Variants in TINAG observed in about 807,000 individuals in gnomAD.
TINAG encodes tubulointerstitial nephritis antigen.
Under a neutral mutation model 72.7 loss-of-function variants are expected in TINAG, and 83 were observed. That is an observed-to-expected ratio of 1.14 (90% CI 0.96 to 1.37). TINAG has a LOEUF of 1.37. Among genes scored for constraint, TINAG ranks in the 40% most tolerant of loss-of-function variants. The probability of loss-of-function intolerance (pLI) is 0.00; values close to 1 mark genes in which losing one functional copy is unlikely to be tolerated. For missense variants in TINAG, 685 were observed against 576.6 expected, an observed-to-expected ratio of 1.19 and a Z score of -1.93; for synonymous variants, 234 against 189.9, an observed-to-expected ratio of 1.23 and a Z score of -1.91.
upstream of TINAG, chr6:54,308,338 A>G (rs943666386): frequency 1.7e-5 from 11 of 637,544 alleles, no homozygotes; most frequent in South Asian, 1.5e-4. Context: ...GGGAATAACA[A>G]TAGTTTATTT....
chr6:54,310,927 CTCTT>C (rs373236632), intron 1 of TINAG, among the ~76,000 whole-genome samples: 11 of 149,342 alleles, frequency 7.4e-5, no homozygotes, highest in African/African-American at 9.8e-5. Context: ...CCCACTTTCC[CTCTT>C]TCTTTCTTTT....
chr6:54,355,714 CGTGTGTGT>C lies in TINAG; in HGVS notation c.1250+1103_1250+1110del, dbSNP rs5876379. Among the ~76,000 whole-genome samples, 158 of 145,200 alleles carry C rather than the reference CGTGTGTGT, an allele frequency of 1.1e-3. 3 individuals carry two copies. Among genetic ancestry groups the C allele is most frequent in the African/African-American group, 3.3e-3 (132 of 39,588 alleles). On this transcript the variant is annotated intron_variant, in intron 9 of 10. Transcript: ENST00000259782. The stretch of plus-strand genomic sequence containing the variant: ...AATCTACAAATTGGAAAAAATGTAA[CGTGTGTGT>C]GTGTGTGTGTGTGTGTGTGTGTGTA...
chr6:54,329,361 A>G (rs1784683058), intron 4 of TINAG, among the ~76,000 whole-genome samples: 1 of 152,190 alleles, frequency 6.6e-6, no homozygotes, highest in African/African-American at 2.4e-5. Context: ...AGAATTTCAT[A>G]TCCAGACAAA....
intron 4 of TINAG, among the ~76,000 whole-genome samples, chr6:54,335,748 T>C (rs771513484): frequency 6.6e-6 from 1 of 152,156 alleles, no homozygotes; most frequent in Non-Finnish European, 1.5e-5. Context: ...AATTTCTTTT[T>C]GTGGGAATTC....
intron 9 of TINAG, chr6:54,367,055 C>T: frequency 6.6e-6 from 1 of 151,732 alleles, no homozygotes; most frequent in East Asian, 1.9e-4. Flanking sequence ...GTTTTCTTTA[C>T]ATTCTTCCAT....
chr6:54,320,947 GT>G (rs897961826), intron 2 of TINAG, among the ~76,000 whole-genome samples: 1 of 152,230 alleles, frequency 6.6e-6, no homozygotes, highest in African/African-American at 2.4e-5. Flanking sequence ...GGCAAATTGT[GT>G]TTTTTGAGCA....
Position 54,349,580 on chromosome 6 carries a change from A to G in TINAG, c.900-136A>G, listed in dbSNP as rs1012026649. ...GTCATTGAGCTTCTGTGTTGGAGTCACTCACTATTTTGAAAATTATGCATG... is the reference window on the plus strand; with the variant it reads ...GTCATTGAGCTTCTGTGTTGGAGTCGCTCACTATTTTGAAAATTATGCATG... On this transcript the variant is annotated intron_variant, in intron 6 of 10. Coordinates refer to ENST00000259782, the MANE Select transcript of TINAG (RefSeq NM_014464.4). 174 of 638,396 alleles carry G rather than the reference A, an allele frequency of 2.7e-4. 1 individual carries two copies. Among genetic ancestry groups the G allele is most frequent in the Admixed American group, 1.9e-4 (5 of 26,386 alleles). 39.5% of individuals were successfully genotyped at this position (638,396 alleles called of 1,614,324 possible).
rs185402162 is a variant in TINAG, at chr6:54,308,781, G to T, written c.231G>T (p.Ala77=). 2.5e-6 allele frequency: 4 copies of T among 1,613,832 alleles called. No homozygotes were observed. The highest frequency in any genetic ancestry group is 3.4e-6 in the Non-Finnish European group (4 of 1,179,876). Residue 77 remains alanine (A), a synonymous_variant, in exon 1 of 11, where the codon GCG becomes GCT. Coordinates refer to ENST00000259782, the MANE Select transcript of TINAG (RefSeq NM_014464.4). ...GCTGTGTCACTGAGTTCTATGCGGC[G>T]AATGCGTTGTGCTACTGTGATAAAT... is the stretch of plus-strand genomic sequence containing the variant. ...DDGCVTEFYA[A]NALCYCDKFC...
At chr6:54,324,894 A>G (rs944962687) in intron 3 of TINAG, among the ~76,000 whole-genome samples, 9 of 152,192 alleles carry the variant, frequency 5.9e-5, no homozygotes, top group East Asian at 1.9e-4. Flanking sequence ...CTTGTGAAAC[A>G]TAAGTATTGT....
chr6:54,330,843 C>G (rs1298277219), intron 4 of TINAG, among the ~76,000 whole-genome samples: 1 of 152,088 alleles, frequency 6.6e-6, no homozygotes, highest in African/African-American at 2.4e-5. Flanking sequence ...TGCAAATAAA[C>G]TAGAAAATCT....
chr6:54,336,750 C>G (rs1432989131), intron 4 of TINAG, among the ~76,000 whole-genome samples: 2 of 151,954 alleles, frequency 1.3e-5, no homozygotes, highest in Non-Finnish European at 2.9e-5. Context: ...AGTATTATGT[C>G]TAAGGTGGAA....
At chr6:54,346,041 T>C (rs1334478484) in intron 5 of TINAG, among the ~76,000 whole-genome samples, 2 of 152,040 alleles carry the variant, frequency 1.3e-5, no homozygotes, top group African/African-American at 2.4e-5. Flanking sequence ...AGAACAAAAC[T>C]GAACAAGACT....
At chr6:54,384,098 C>T (rs6907037) in intron 10 of TINAG, among the ~76,000 whole-genome samples, 13,118 of 152,090 alleles carry the variant, frequency 0.086, 1,008 homozygotes, top group East Asian at 0.3. Flanking sequence ...CAAACTAACA[C>T]AGGAACAGAA....
At chr6:54,347,654 C>A (rs1256768344) in intron 6 of TINAG, 137 bp downstream of exon 6, 4 of 903,834 alleles carry the variant, frequency 4.4e-6, no homozygotes, top group Non-Finnish European at 6.4e-6. Context: ...TATAAATATG[C>A]TACATTTAAA....
At chr6:54,375,092 A>G (rs1217953779) in intron 9 of TINAG, among the ~76,000 whole-genome samples, 1 of 152,122 alleles carries the variant, frequency 6.6e-6, no homozygotes, top group Non-Finnish European at 1.5e-5. Context: ...TACCATCATA[A>G]TAAAATAAAA....
At chr6:54,329,114 A>T (rs149022824) in intron 4 of TINAG, among the ~76,000 whole-genome samples, 35 of 152,182 alleles carry the variant, frequency 2.3e-4, no homozygotes, top group Admixed American at 1.3e-3. Context: ...AATTCAGGAG[A>T]TACAGAGAAC....
chr6:54,322,323 A>G (rs564704847), intron 3 of TINAG, among the ~76,000 whole-genome samples: 1 of 145,978 alleles, frequency 6.9e-6, no homozygotes, highest in Non-Finnish European at 1.5e-5. Context: ...AACAAAACAA[A>G]ACAAACAAAC....
intron 9 of TINAG, among the ~76,000 whole-genome samples, chr6:54,373,788 C>T (rs1466258985): frequency 3.3e-5 from 5 of 152,100 alleles, no homozygotes; most frequent in African/African-American, 9.7e-5. Flanking sequence ...ATTTCTGAGT[C>T]TCCTTCCAGT....
chr6:54,339,115 A>G (rs1310500935), intron 4 of TINAG, among the ~76,000 whole-genome samples: 1 of 152,188 alleles, frequency 6.6e-6, no homozygotes, highest in Non-Finnish European at 1.5e-5. Flanking sequence ...CTTGGGTTCA[A>G]TGAAATATGA....
Sources: allele counts gnomAD v4.1 joint callset (sites outside exome capture counted in the v4.1 genomes callset), GRCh38; gene constraint gnomAD v4.1.1; transcripts MANE v1.5; gene names NCBI Gene and HGNC (gene_info 2026-07-23, HGNC 2026-07-21).